The following TNRC6C variants were observed in gnomAD, a reference collection of about 807,000 sequenced individuals.
The protein encoded by TNRC6C is trinucleotide repeat containing adaptor 6C, also known as trinucleotide repeat-containing gene 6C protein.
Under a neutral mutation model 153.7 loss-of-function variants are expected in TNRC6C, and 20 were observed. The observed-to-expected ratio is 0.13, with a 90% CI of 0.09 to 0.19. The LOEUF (loss-of-function observed/expected upper bound fraction) is 0.19, where lower values mean the gene tolerates loss of function less well. Among genes scored for constraint, TNRC6C ranks in the 10% least tolerant of loss-of-function variants. The pLI is 1.00. For missense variants in TNRC6C, 1,987 were observed against 2,172.0 expected, an observed-to-expected ratio of 0.91 and a Z score of 1.69; for synonymous variants, 811 against 841.4, an observed-to-expected ratio of 0.96 and a Z score of 0.63.
chr17:78,006,554 T>TCTTCTTCTTCTTCTTC (rs1567910982), intron 1 of TNRC6C, among the ~76,000 whole-genome samples: 1 of 63,558 alleles, frequency 1.6e-5, no homozygotes, highest in Non-Finnish European at 3.3e-5. Flanking sequence ...TTCTTCTTCT[T>TCTTCTTCTTCTTCTTC]CTTCTTCCTT....
exon 20 of TNRC6C, chr17:78,105,228 T>G (rs900315183): frequency 5.8e-6 from 1 of 171,328 alleles, no homozygotes; most frequent in Non-Finnish European, 1.2e-5. Flanking sequence ...GAGGGAGACG[T>G]GAAGCCTATT....
At position 78,104,177 on chromosome 17, in the gene TNRC6C, G is replaced by A. The variant is rs1598801074; in HGVS notation, c.4713-308G>A. ...CCTGATCAGTAACATCACTTGAGAC[G>A]TTGGAACCTAGAAATTAGTCATTCC... On this transcript the variant is annotated intron_variant, in intron 19 of 19. Transcript: ENST00000301624. The surrounding 1 kb of genome is among the most constrained non-coding windows in gnomAD (Gnocchi z 6.2). Among the ~76,000 whole-genome samples, 1 of 152,194 alleles carries A rather than the reference G, an allele frequency of 6.6e-6. No homozygotes were observed. Among genetic ancestry groups the A allele is most frequent in the South Asian group, 2.1e-4 (1 of 4,830 alleles).
chr17:77,968,415 C>T (rs1460050062), intron 1 of TNRC6C, among the ~76,000 whole-genome samples: 5 of 151,488 alleles, frequency 3.3e-5, no homozygotes, highest in Non-Finnish European at 7.4e-5. Flanking sequence ...GATGTCAGCT[C>T]ACTGCAACCT....
chr17:78,061,234 T>G (rs2072762020), intron 3 of TNRC6C, among the ~76,000 whole-genome samples: 1 of 152,214 alleles, frequency 6.6e-6, no homozygotes, highest in African/African-American at 2.4e-5. Context: ...TGTAAGAAAT[T>G]TGTTCTACCT....
intron 1 of TNRC6C, among the ~76,000 whole-genome samples, chr17:77,984,517 C>CA (rs1042798888): frequency 1.3e-4 from 20 of 151,778 alleles, no homozygotes; most frequent in Admixed American, 5.9e-4. Flanking sequence ...GATTCTATCT[C>CA]AAAAAAAAGA....
At chr17:78,065,933 T>C (rs1459421839) in intron 4 of TNRC6C, among the ~76,000 whole-genome samples, 1 of 152,166 alleles carries the variant, frequency 6.6e-6, no homozygotes, top group African/African-American at 2.4e-5. Flanking sequence ...TTAAATCTGA[T>C]ATTAAAATTA....
At chr17:78,053,578 G>A (rs2072581922) in intron 3 of TNRC6C, among the ~76,000 whole-genome samples, 1 of 151,514 alleles carries the variant, frequency 6.6e-6, no homozygotes, top group South Asian at 2.1e-4. Flanking sequence ...GCAGTGAGCT[G>A]AGATGGGGCC....
Position 78,104,751 on chromosome 17 carries a change from G to C in TNRC6C, c.4979G>C (p.Gly1660Ala). 6.7e-7 allele frequency: 1 copy of C among 1,501,590 alleles called. No homozygotes were observed. Among genetic ancestry groups the C allele is most frequent in the Non-Finnish European group, 8.9e-7 (1 of 1,126,352 alleles). 93.0% of individuals were successfully genotyped at this position (1,501,590 alleles called of 1,614,324 possible). A position where few individuals can be genotyped will look rare whatever the true frequency, so the allele number is the denominator to read the frequency against. ...CCCCAGTACTCCAGCAGCCTGTGGG[G>C]CCCGCCCAGCGCCGACGACAGCAGG... Residue 1660 changes from glycine to alanine, a missense_variant, in exon 20 of 20, where the codon GGC becomes GCC. By Grantham distance (60) the Gly-to-Ala change is moderately conservative. Transcript: ENST00000301624. This position sits in a 1 kb window ranked among gnomAD's most constrained non-coding sequence, Gnocchi z 6.2.
intron 3 of TNRC6C, among the ~76,000 whole-genome samples, chr17:78,064,176 C>CCGGGTT (rs1555639499): frequency 2.0e-5 from 3 of 152,152 alleles, no homozygotes; most frequent in Non-Finnish European, 4.4e-5. Context: ...TAAAACTTAA[C>CCGGGTT]CACTTGGTTC....
chr17:78,080,434 G>A (rs1041819057), intron 10 of TNRC6C, among the ~76,000 whole-genome samples: 4 of 151,982 alleles, frequency 2.6e-5, no homozygotes, highest in Non-Finnish European at 4.4e-5. Flanking sequence ...CAACAAGAGC[G>A]GAAACTCCTT....
upstream of TNRC6C, among the ~76,000 whole-genome samples, chr17:77,957,947 G>A (rs1433401963): frequency 6.6e-6 from 1 of 152,222 alleles, no homozygotes; most frequent in Non-Finnish European, 1.5e-5. Context: ...GTGCTCCGGG[G>A]AAAGGGCTGT....
chr17:78,092,501 T>C (rs983768346), intron 14 of TNRC6C, among the ~76,000 whole-genome samples: 1 of 152,222 alleles, frequency 6.6e-6, no homozygotes, highest in African/African-American at 2.4e-5. Context: ...GGTATGGATA[T>C]GTATTTTGTA....
intron 3 of TNRC6C, among the ~76,000 whole-genome samples, chr17:78,059,033 A>T (rs1194448355): frequency 2.0e-5 from 3 of 152,194 alleles, no homozygotes; most frequent in African/African-American, 7.2e-5. Flanking sequence ...TGAGACGTGT[A>T]TTGTTTCTAT....
chr17:78,060,561 C>T (rs573137034), intron 3 of TNRC6C, among the ~76,000 whole-genome samples: 1 of 150,956 alleles, frequency 6.6e-6, no homozygotes, highest in South Asian at 2.1e-4. Flanking sequence ...CAACCTCTGC[C>T]TCCCAGGGTC....
intron 1 of TNRC6C, among the ~76,000 whole-genome samples, chr17:77,960,323 T>C (rs781020816): frequency 2.0e-5 from 3 of 152,168 alleles, no homozygotes; most frequent in Middle Eastern, 3.2e-3. Context: ...GTTAATCCAT[T>C]GTGTAGCCGA....
At chr17:78,000,630 C>CCCCCCCCCCCCCCCCCCCA (rs1555628277), upstream of TNRC6C, among the ~76,000 whole-genome samples, 1 of 62,290 alleles carries the variant, frequency 1.6e-5, no homozygotes, top group Non-Finnish European at 3.0e-5. Context: ...CCCCCCCCCC[C>CCCCCCCCCCCCCCCCCCCA]CACACACACA....
At chr17:77,964,035 A>C (rs1209783404) in intron 1 of TNRC6C, among the ~76,000 whole-genome samples, 1 of 152,196 alleles carries the variant, frequency 6.6e-6, no homozygotes, top group African/African-American at 2.4e-5. Flanking sequence ...TGGGCCACAC[A>C]CAGTGCACAT....
intron 1 of TNRC6C, among the ~76,000 whole-genome samples, chr17:77,965,635 C>T (rs1338700048): frequency 2.0e-5 from 3 of 152,146 alleles, no homozygotes; most frequent in African/African-American, 4.8e-5. Context: ...TCCTGCCCTC[C>T]TGGAGCTGTC....
chr17:78,017,048 A>G (rs1598691617), intron 1 of TNRC6C, among the ~76,000 whole-genome samples: 1 of 152,108 alleles, frequency 6.6e-6, no homozygotes, highest in African/African-American at 2.4e-5. Context: ...GGAACTGATA[A>G]ACCCCCAGTT....
Sources: allele counts gnomAD v4.1 joint callset (sites outside exome capture counted in the v4.1 genomes callset), GRCh38; gene constraint gnomAD v4.1.1; non-coding constraint Gnocchi (gnomAD v3.1); transcripts MANE v1.5; gene names NCBI Gene and HGNC (gene_info 2026-07-23, HGNC 2026-07-21).